EML6: variants seen among roughly 807,000 people sequenced by gnomAD.
EML6 encodes EMAP like 6.
EML6 carries 154 observed loss-of-function variants against 240.1 expected under a neutral mutation model. The ratio of observed to expected loss-of-function variants is 0.64; its 90% CI spans 0.56 to 0.73. The LOEUF is 0.73. Ranked by LOEUF, EML6 falls within the 30% of genes least tolerant of loss-of-function variation. The probability of loss-of-function intolerance (pLI) is 0.00; values close to 1 mark genes in which losing one functional copy is unlikely to be tolerated. For missense variants in EML6, 2,964 were observed against 2,474.6 expected, an observed-to-expected ratio of 1.20 and a Z score of -4.20; for synonymous variants, 1,148 against 899.0, an observed-to-expected ratio of 1.28 and a Z score of -4.95.
chr2:54,944,727 G>A (rs1434531740), intron 28 of EML6, among the ~76,000 whole-genome samples: 2 of 152,056 alleles, frequency 1.3e-5, no homozygotes, highest in Non-Finnish European at 2.9e-5. Context: ...ACATCCTGCA[G>A]TTCTTCTGCC....
At chr2:54,905,651 C>T (rs1673289334) in intron 24 of EML6, among the ~76,000 whole-genome samples, 1 of 152,154 alleles carries the variant, frequency 6.6e-6, no homozygotes, top group Non-Finnish European at 1.5e-5. Flanking sequence ...GAATTCTTTT[C>T]ATCTTGTAAT....
chr2:54,833,852 A>AT (rs1668997989), intron 7 of EML6, among the ~76,000 whole-genome samples: 1 of 152,238 alleles, frequency 6.6e-6, no homozygotes, highest in South Asian at 2.1e-4. Flanking sequence ...CAAAGCCAAA[A>AT]GGTTCAGAAT....
At chr2:54,837,063 A>C (rs1669191708) in intron 7 of EML6, among the ~76,000 whole-genome samples, 1 of 152,072 alleles carries the variant, frequency 6.6e-6, no homozygotes, top group African/African-American at 2.4e-5. Context: ...ACTCCCTCTT[A>C]AGTTTGGGTG....
intron 28 of EML6, among the ~76,000 whole-genome samples, chr2:54,940,448 G>A (rs1454606170): frequency 2.6e-5 from 4 of 151,986 alleles, no homozygotes; most frequent in Admixed American, 2.6e-4. Context: ...TTAGTCTGTG[G>A]CGTCAATATA....
chr2:54,920,488 T>C (rs1195129450), intron 26 of EML6, among the ~76,000 whole-genome samples: 1 of 152,144 alleles, frequency 6.6e-6, no homozygotes, highest in Non-Finnish European at 1.5e-5. Flanking sequence ...AACAGATCAA[T>C]AATGCACAAG....
At chr2:54,803,459 C>T (rs1397208761) in intron 2 of EML6, among the ~76,000 whole-genome samples, 1 of 152,110 alleles carries the variant, frequency 6.6e-6, no homozygotes, top group East Asian at 1.9e-4. Flanking sequence ...CGTCAAGCCA[C>T]CCTAGACCCT....
intron 2 of EML6, among the ~76,000 whole-genome samples, chr2:54,732,509 T>C (rs1453094045): frequency 6.6e-6 from 1 of 152,216 alleles, no homozygotes; most frequent in Non-Finnish European, 1.5e-5. Flanking sequence ...TTCTCTTGCA[T>C]GTGGATATCT....
intron 3 of EML6, among the ~76,000 whole-genome samples, chr2:54,815,849 C>G (rs1250597009): frequency 6.6e-6 from 1 of 152,160 alleles, no homozygotes; most frequent in Non-Finnish European, 1.5e-5. Flanking sequence ...CAGACACACT[C>G]TCGAATGTAC....
At chr2:54,825,393 A>G (rs1201371339) in intron 5 of EML6, among the ~76,000 whole-genome samples, 2 of 151,916 alleles carry the variant, frequency 1.3e-5, no homozygotes, top group African/African-American at 4.8e-5. Context: ...ATTCTTTATT[A>G]AAAAAAACTT....
intron 21 of EML6, among the ~76,000 whole-genome samples, chr2:54,899,401 G>A (rs1672940229): frequency 6.6e-6 from 1 of 152,224 alleles, no homozygotes; most frequent in Non-Finnish European, 1.5e-5. Flanking sequence ...AATAAGCAAT[G>A]AGTTCATGTT....
chr2:54,859,459 A>G, intron 11 of EML6, 75 bp from the exon 12 acceptor site: 7 of 1,156,252 alleles, frequency 6.1e-6, no homozygotes, highest in Non-Finnish European at 8.6e-6. Context: ...TTCAACATGA[A>G]CAGAAGGGGG....
In EML6 at chr2:54,813,362, G is replaced by A. The variant is rs746477983; in HGVS notation, c.328G>A (p.Ala110Thr). The A allele has an allele frequency of 2.1e-5, 32 of 1,551,478 alleles. No homozygotes were observed. The highest frequency in any genetic ancestry group is 4.1e-5 in the African/African-American group (3 of 73,010). The change falls in exon 3 of 42, where the codon GCC (alanine) becomes ACC (threonine). Residue 110 changes from alanine to threonine, a missense_variant. Physicochemically the swap from Ala to Thr is moderately conservative, Grantham distance 58. Transcript: ENST00000356458. ...LLKDVHTHGV[A>T]CLAFDSDGQR... ...TAAAGATGTCCATACACATGGAGTT[G>A]CCTGCCTGGCTTTTGACTCAGATGG...
chr2:54,854,948 T>C (rs1670292441), intron 11 of EML6, among the ~76,000 whole-genome samples: 1 of 152,134 alleles, frequency 6.6e-6, no homozygotes, highest in African/African-American at 2.4e-5. Flanking sequence ...AGAAACAACA[T>C]TGGGGTCAGT....
At chr2:54,838,344 T>A (rs955968223) in intron 7 of EML6, among the ~76,000 whole-genome samples, 7 of 152,194 alleles carry the variant, frequency 4.6e-5, no homozygotes, top group African/African-American at 1.7e-4. Flanking sequence ...CACTGGGTCA[T>A]GTGTTGTTGT....
Position 54,964,555 on chromosome 2 carries a change from G to C in EML6, c.5331-16G>C. On this transcript the variant is annotated splice_polypyrimidine_tract_variant and intron_variant, in intron 37 of 41. Coordinates refer to ENST00000356458, the MANE Select transcript of EML6 (RefSeq NM_001039753.4). ...AGCCCTCCTCATGGACTCTGCTCTC[G>C]GATTGCTTTTTCTAGAATCAGCCCA... The C allele has an allele frequency of 2.6e-6, 4 of 1,551,970 alleles. No homozygotes were observed. The highest frequency in any genetic ancestry group is 3.5e-6 in the Non-Finnish European group (4 of 1,146,900).
At position 54,859,597 on chromosome 2, in the gene EML6, A is replaced by G; in HGVS notation, c.1721A>G (p.Asp574Gly). 1 of 1,551,360 alleles carries G rather than the reference A, an allele frequency of 6.4e-7. No homozygotes were observed. The highest frequency in any genetic ancestry group is 8.7e-7 in the Non-Finnish European group (1 of 1,146,828). ...GTCACAAATGTCCGCTGGTCCCATG[A>G]CTTTCAGTGGGTGTTGAGCACAGGA... ...AHVTNVRWSH[D>G]FQWVLSTGGA... is the part of the protein sequence containing the mutation. Residue 574 changes from aspartate to glycine, a missense_variant, in exon 12 of 42, where the codon GAC becomes GGC. Asp to Gly is a moderately conservative substitution (Grantham distance 94, BLOSUM62 -1). Transcript: ENST00000356458.
rs150387730 is a variant in EML6 at position 54,948,820 on chromosome 2, G to C, written c.4005-62G>C. 3.0e-6 allele frequency: 4 copies of C among 1,350,680 alleles called. No homozygotes were observed. The Admixed American group carries it at 5.9e-5, about 20-fold the overall frequency. The allele number at this position is 1,350,680 out of a possible 1,614,324, so 83.7% of individuals were successfully genotyped here. A position where few individuals can be genotyped will look rare whatever the true frequency, so the allele number is the denominator to read the frequency against. On this transcript the variant is annotated intron_variant, in intron 28 of 41. Coordinates refer to ENST00000356458, the MANE Select transcript of EML6 (RefSeq NM_001039753.4). ...GGCACTGGCCTAGACAGGCCACACC[G>C]GGAAGGCAGCCTTGCAGCCCTTGTT...
intron 16 of EML6, among the ~76,000 whole-genome samples, chr2:54,878,694 A>G (rs2103970777): frequency 6.6e-6 from 1 of 152,306 alleles, no homozygotes; most frequent in South Asian, 2.1e-4. Context: ...GCGATGTGAA[A>G]ACTAGACAAT....
intron 2 of EML6, among the ~76,000 whole-genome samples, chr2:54,763,999 G>T (rs1668082020): frequency 6.6e-6 from 1 of 152,174 alleles, no homozygotes; most frequent in African/African-American, 2.4e-5. Context: ...TGAAGGACAG[G>T]GACATTCTCA....
Sources: allele counts gnomAD v4.1 joint callset (sites outside exome capture counted in the v4.1 genomes callset), GRCh38; gene constraint gnomAD v4.1.1; transcripts MANE v1.5; gene names NCBI Gene and HGNC (gene_info 2026-07-23, HGNC 2026-07-21).